Variants in MYO1B observed in about 807,000 individuals in gnomAD.
MYO1B encodes the protein unconventional myosin-Ib.
Under a neutral mutation model 159.7 loss-of-function variants are expected in MYO1B, and 72 were observed. The observed-to-expected ratio is 0.45, with a 90% CI of 0.37 to 0.55. MYO1B has a LOEUF of 0.55. Ranked by LOEUF, MYO1B falls within the 20% of genes least tolerant of loss-of-function variation. The pLI is 0.00. For missense variants in MYO1B, 1,062 were observed against 1,364.8 expected (o/e 0.78, Z 3.50); for synonymous variants, 468 against 473.8 (o/e 0.99, Z 0.16).
At chr2:191,416,270 TTTTTCTC>T in intron 30 of MYO1B, 28 bp downstream of exon 30, 5 of 1,611,516 alleles carry the variant, frequency 3.1e-6, no homozygotes, top group Non-Finnish European at 4.2e-6. Context: ...TTGAAAACCC[TTTTTCTC>T]TTTCAGCTTT....
chr2:191,320,940 C>G (rs775818445), intron 3 of MYO1B, among the ~76,000 whole-genome samples: 14 of 152,248 alleles, frequency 9.2e-5, no homozygotes, highest in Non-Finnish European at 1.9e-4. Flanking sequence ...GATCTCTGCA[C>G]TTCCACAGTA....
At chr2:191,317,011 C>T (rs972003385) in intron 3 of MYO1B, among the ~76,000 whole-genome samples, 5 of 152,134 alleles carry the variant, frequency 3.3e-5, no homozygotes, top group African/African-American at 7.2e-5. Context: ...AACATAAATT[C>T]GGAACACTGA....
chr2:191,305,954 C>T (rs962983667), intron 3 of MYO1B, among the ~76,000 whole-genome samples: 26 of 151,988 alleles, frequency 1.7e-4, no homozygotes, highest in South Asian at 2.1e-4. Context: ...ATTCATCATA[C>T]GTTATTTGGG....
intron 3 of MYO1B, among the ~76,000 whole-genome samples, chr2:191,314,257 A>G (rs1006232982): frequency 6.6e-6 from 1 of 152,120 alleles, no homozygotes; most frequent in Non-Finnish European, 1.5e-5. Context: ...TTCTGTTGTT[A>G]CTTTTTTTCT....
rs141236900 is a variant in MYO1B, at chr2:191,262,070, T to C, written c.-9-14817T>C. Among the ~76,000 whole-genome samples, 532 of 152,278 alleles carry C rather than the reference T, an allele frequency of 3.5e-3. 1 individual carries two copies. Among genetic ancestry groups the C allele is most frequent in the African/African-American group, 0.012 (510 of 41,532 alleles). On this transcript the variant is annotated intron_variant, in intron 1 of 30. Transcript: ENST00000392318. ...CCTCTGTCAAATTAGTTTCCCACCT[T>C]TTATGATAGACTCATCTGTGATTTC...
intron 26 of MYO1B, 33 bp downstream of exon 26, chr2:191,409,211 C>T: frequency 6.3e-7 from 1 of 1,587,388 alleles, no homozygotes. Context: ...TTTTCGGAGA[C>T]TTTCTTATTT....
At chr2:191,290,573 T>C (rs1574350270) in intron 2 of MYO1B, among the ~76,000 whole-genome samples, 1 of 152,360 alleles carries the variant, frequency 6.6e-6, no homozygotes, top group East Asian at 1.9e-4. Context: ...AAGGGTACTT[T>C]TGGTTTTGTG....
At chr2:191,247,448 T>C (rs1685858486) in intron 1 of MYO1B, among the ~76,000 whole-genome samples, 1 of 152,190 alleles carries the variant, frequency 6.6e-6, no homozygotes, top group South Asian at 2.1e-4. Context: ...GCTGAGGGTT[T>C]GTCTTTTTCG....
At chr2:191,263,546 C>G (rs1686949089) in intron 1 of MYO1B, 1 of 155,904 alleles carries the variant, frequency 6.4e-6, no homozygotes, top group Non-Finnish European at 1.4e-5. Flanking sequence ...TTTTGAAAGC[C>G]CCTTTTTTGA....
At chr2:191,367,246 G>A (rs1298921509) in intron 11 of MYO1B, among the ~76,000 whole-genome samples, 1 of 152,098 alleles carries the variant, frequency 6.6e-6, no homozygotes, top group Non-Finnish European at 1.5e-5. Flanking sequence ...TGGAGATTTG[G>A]TGGCATGAAT....
chr2:191,388,195 A>T (rs1695513133), intron 17 of MYO1B: 1 of 152,098 alleles, frequency 6.6e-6, no homozygotes. Flanking sequence ...GAGGCAGGAG[A>T]ATCGCTTGGA....
intron 13 of MYO1B, among the ~76,000 whole-genome samples, chr2:191,375,940 CAG>C (rs1176711675): frequency 2.7e-5 from 4 of 146,560 alleles, no homozygotes; most frequent in Middle Eastern, 7.2e-3. Flanking sequence ...GCCTGGGCAA[CAG>C]AGCGAGACTC....
At chr2:191,383,502 A>ATATATACATATATATGTG (rs10625287) in intron 15 of MYO1B, among the ~76,000 whole-genome samples, 160 bp downstream of exon 15, 1 of 116,178 alleles carries the variant, frequency 8.6e-6, no homozygotes, top group African/African-American at 3.8e-5. Context: ...GTGTATATAT[A>ATATATACATATATATGTG]TATATATACA....
At chr2:191,263,467 T>G (rs1295144746) in intron 1 of MYO1B, 1 of 269,206 alleles carries the variant, frequency 3.7e-6, no homozygotes, top group Admixed American at 6.5e-5. Flanking sequence ...TCTACCCACC[T>G]ATTGAGAGAC....
In MYO1B at chr2:191,417,666, C is replaced by T. The variant is rs1697657712; in HGVS notation, c.3287+1424C>T. On this transcript the variant is annotated intron_variant, in intron 30 of 30. Transcript: ENST00000392318. ...AAGTACTGCTATTTTTAAGCATTTC[C>T]CAAACCGGGATTCTAGGAACATTGC... 3.3e-5 allele frequency among the ~76,000 whole-genome samples: 5 copies of T among 152,244 alleles called. No individual in the cohort carries two copies. The South Asian group carries it at 1.0e-3, about 32-fold the overall frequency.
chr2:191,309,216 G>A (rs1256931862), intron 3 of MYO1B, among the ~76,000 whole-genome samples: 2 of 152,052 alleles, frequency 1.3e-5, no homozygotes, highest in Admixed American at 6.5e-5. Flanking sequence ...TTCTCACCTT[G>A]GTCAGTGGCA....
intron 13 of MYO1B, among the ~76,000 whole-genome samples, chr2:191,370,684 A>G (rs1193094070): frequency 6.6e-6 from 1 of 152,214 alleles, no homozygotes; most frequent in African/African-American, 2.4e-5. Context: ...GTGTTGTTAG[A>G]AAGTGTGGCA....
chr2:191,325,486 A>G (rs939228541), intron 3 of MYO1B, among the ~76,000 whole-genome samples: 6 of 152,164 alleles, frequency 3.9e-5, no homozygotes, highest in African/African-American at 1.4e-4. Context: ...AGGTCCAACT[A>G]CCAGTTCTCA....
intron 1 of MYO1B, among the ~76,000 whole-genome samples, chr2:191,270,541 C>T (rs1407653533): frequency 6.6e-6 from 1 of 152,146 alleles, no homozygotes; most frequent in Non-Finnish European, 1.5e-5. Context: ...GCTGGTTGAA[C>T]TGAATTGAAT....
Sources: gnomAD v4.1 joint callset for allele counts (sites outside exome capture counted in the v4.1 genomes callset) on GRCh38, gnomAD v4.1.1 for gene constraint, MANE v1.5 for transcripts, NCBI Gene and HGNC (gene_info 2026-07-23, HGNC 2026-07-21) for gene names.